The following SLCO3A1 variants were observed in gnomAD, a reference collection of about 807,000 sequenced individuals.
SLCO3A1 encodes solute carrier organic anion transporter family member 3A1, also known as PGE1 transporter.
A neutral mutation model predicts 63.1 loss-of-function variants in SLCO3A1; 27 were observed. The observed-to-expected ratio is 0.43, with a 90% confidence interval of 0.32 to 0.59. The LOEUF is 0.59. Ranked by LOEUF, SLCO3A1 falls within the 20% of genes least tolerant of loss-of-function variation. The pLI, the probability that SLCO3A1 is intolerant of heterozygous loss-of-function variation, is 0.09. For synonymous variants in SLCO3A1, 473 were observed against 409.9 expected, an observed-to-expected ratio of 1.15 and a Z score of -1.86; for missense variants, 773 against 945.8, an observed-to-expected ratio of 0.82 and a Z score of 2.40.
In SLCO3A1 at chr15:91,888,092, A is replaced by G. The variant is rs141286151; in HGVS notation, c.181-27901A>G. Among the ~76,000 whole-genome samples the G allele has an allele frequency of 3.9e-4, 60 of 152,298 alleles. 1 individual carries two copies. The highest frequency in any genetic ancestry group is 1.3e-3 in the African/African-American group (56 of 41,568). On this transcript the variant is annotated intron_variant, in intron 1 of 9. Transcript: ENST00000318445. ...AAACCAAAGTAAAAGAGCTTTAATT[A>G]TGCTCTTGTTTGTGGTTTGGTTGGT...
chr15:92,170,564 ACACAAAGCCC>A (rs536021995), downstream of SLCO3A1, among the ~76,000 whole-genome samples: 12 of 152,256 alleles, frequency 7.9e-5, no homozygotes, highest in Middle Eastern at 3.4e-3. Context: ...TTCCACTACA[ACACAAAGCCC>A]CCGAAGTTAG....
intron 7 of SLCO3A1, among the ~76,000 whole-genome samples, chr15:92,140,369 A>G (rs549740254): frequency 2.1e-5 from 3 of 145,298 alleles, no homozygotes; most frequent in Admixed American, 1.4e-4. Context: ...CTGTTCTTTT[A>G]CATTTGCTGA....
intron 9 of SLCO3A1, among the ~76,000 whole-genome samples, chr15:92,158,150 C>A (rs954750776): frequency 3.9e-5 from 6 of 152,206 alleles, no homozygotes; most frequent in African/African-American, 1.4e-4. Context: ...ATAAGTCTCC[C>A]AGCCTTCTCT....
intron 1 of SLCO3A1, among the ~76,000 whole-genome samples, chr15:91,876,296 G>A (rs1037251646): frequency 1.3e-5 from 2 of 152,202 alleles, no homozygotes; most frequent in Non-Finnish European, 2.9e-5. Context: ...GGTACACATA[G>A]CGGATGCTCA....
chr15:92,126,188 C>T lies in SLCO3A1; in HGVS notation c.1302C>T (p.Cys434=). The T allele has an allele frequency of 1.2e-6, 2 of 1,614,024 alleles. No individual in the cohort carries two copies. Residue 434 remains cysteine (C), a synonymous_variant, in exon 6 of 10, where the codon TGC becomes TGT. Coordinates refer to ENST00000318445, the MANE Select transcript of SLCO3A1 (RefSeq NM_013272.4). The part of the protein sequence containing the change: ...AMLVNLVSTA[C]YVSFLFLGCD... ...TCGTCAACCTGGTGTCCACTGCTTG[C>T]TACGTCTCCTTCCTCTTCCTGGGCT... is the stretch of plus-strand genomic sequence containing the variant.
chr15:91,878,189 G>A (rs571614948), intron 1 of SLCO3A1, among the ~76,000 whole-genome samples: 1 of 149,932 alleles, frequency 6.7e-6, no homozygotes, highest in African/African-American at 2.5e-5. Context: ...GGGTTCAGGT[G>A]CTTCTCCTGC....
chr15:91,957,109 TATATATAA>T (rs1567037668), intron 2 of SLCO3A1, among the ~76,000 whole-genome samples: 7 of 126 alleles, frequency 0.056, no homozygotes, highest in Non-Finnish European at 0.059. Context: ...ATAATATATA[TATATATAA>T]TATATATAAT....
At chr15:92,074,246 AT>A (rs977412240) in intron 2 of SLCO3A1, among the ~76,000 whole-genome samples, 19 of 152,058 alleles carry the variant, frequency 1.2e-4, no homozygotes, top group African/African-American at 3.6e-4. Flanking sequence ...TTTCCTTATA[AT>A]TTTTTTTAAA....
chr15:92,163,069 T>C lies in SLCO3A1; in HGVS notation c.2067T>C (p.His689=), dbSNP rs751566295. The change falls in exon 10 of 10, where the codon CAT becomes CAC. Residue 689 remains histidine (H), a synonymous_variant. Coordinates refer to ENST00000318445, the MANE Select transcript of SLCO3A1 (RefSeq NM_013272.4). Reference sequence around the variant, plus strand: ...ACCCTGTGCCCGCAAACCAGACACATAGGACAAAGTTTATCTATAACCTGG... The same window carrying C: ...ACCCTGTGCCCGCAAACCAGACACACAGGACAAAGTTTATCTATAACCTGG... ...GRDPVPANQT[H]RTKFIYNLED... 34 of 1,555,542 alleles carry C rather than the reference T, an allele frequency of 2.2e-5. No individual in the cohort carries two copies. The highest frequency in any genetic ancestry group is 2.5e-5 in the Non-Finnish European group (29 of 1,153,532).
intron 2 of SLCO3A1, among the ~76,000 whole-genome samples, chr15:92,041,503 A>G (rs1408150767): frequency 6.6e-6 from 1 of 152,202 alleles, no homozygotes. Flanking sequence ...GAATTCAGGG[A>G]ACAGGGAAAG....
At chr15:92,127,482 A>T (rs2047939530) in intron 6 of SLCO3A1, among the ~76,000 whole-genome samples, 2 of 152,228 alleles carry the variant, frequency 1.3e-5, no homozygotes, top group Non-Finnish European at 1.5e-5. Context: ...CCATGGGGTT[A>T]TAATGAGAAT....
intron 2 of SLCO3A1, among the ~76,000 whole-genome samples, chr15:92,065,454 G>A (rs918372380): frequency 1.3e-5 from 2 of 152,098 alleles, no homozygotes; most frequent in African/African-American, 2.4e-5. Context: ...CCCTATAAAT[G>A]TGTACAACTA....
chr15:92,026,590 C>T (rs2046576603), intron 2 of SLCO3A1, among the ~76,000 whole-genome samples: 1 of 152,156 alleles, frequency 6.6e-6, no homozygotes, highest in Admixed American at 6.5e-5. Context: ...ATGATTTCTG[C>T]TTTCCGTTTT....
intron 1 of SLCO3A1, among the ~76,000 whole-genome samples, chr15:91,910,840 C>T (rs551406098): frequency 3.7e-4 from 56 of 152,314 alleles, no homozygotes; most frequent in African/African-American, 1.1e-3. Context: ...TGGGAGGACA[C>T]GCACAGGTGT....
intron 7 of SLCO3A1, among the ~76,000 whole-genome samples, chr15:92,146,460 C>T (rs2048224294): frequency 6.6e-6 from 1 of 152,236 alleles, no homozygotes; most frequent in African/African-American, 2.4e-5. Flanking sequence ...ATCAGCTGTC[C>T]CTCGCCCAGC....
intron 8 of SLCO3A1, 111 bp downstream of exon 8, chr15:92,147,270 A>G: frequency 2.8e-6 from 3 of 1,090,456 alleles, no homozygotes; most frequent in Non-Finnish European, 4.0e-6. Flanking sequence ...CAGGTGAGCT[A>G]GGGCCACAGC....
intron 1 of SLCO3A1, among the ~76,000 whole-genome samples, chr15:91,899,157 G>A (rs1898085710): frequency 6.6e-6 from 1 of 152,166 alleles, no homozygotes; most frequent in African/African-American, 2.4e-5. Flanking sequence ...AAACATTCTG[G>A]AACTCTGGAC....
At chr15:92,143,849 C>T (rs753256825) in intron 7 of SLCO3A1, among the ~76,000 whole-genome samples, 21 of 152,096 alleles carry the variant, frequency 1.4e-4, no homozygotes, top group Non-Finnish European at 2.6e-4. Context: ...GCCCCTGGCA[C>T]AGGTGGGTGA....
At chr15:92,018,911 C>G (rs2046471876) in intron 2 of SLCO3A1, among the ~76,000 whole-genome samples, 1 of 152,172 alleles carries the variant, frequency 6.6e-6, no homozygotes, top group African/African-American at 2.4e-5. Context: ...CCGCTACCAT[C>G]ACTCCCCTGG....
Sources: gnomAD v4.1 joint callset for allele counts (sites outside exome capture counted in the v4.1 genomes callset) on GRCh38, gnomAD v4.1.1 for gene constraint, MANE v1.5 for transcripts, NCBI Gene and HGNC (gene_info 2026-07-23, HGNC 2026-07-21) for gene names.